Variants in ACADSB observed in about 807,000 individuals in gnomAD.
ACADSB encodes short/branched chain specific acyl-CoA dehydrogenase, mitochondrial.
In ACADSB, 40 loss-of-function variants were observed where a neutral mutation model predicts 54.1. The ratio of observed to expected loss-of-function variants is 0.74; its 90% CI spans 0.57 to 0.96. The LOEUF is 0.96. ACADSB is among the 40% of genes least tolerant of loss of function. The pLI is 0.00. For missense variants in ACADSB, 530 were observed against 510.4 expected (o/e 1.04, Z -0.37); for synonymous variants, 182 against 182.8 (o/e 1.00, Z 0.03).
intron 1 of ACADSB, among the ~76,000 whole-genome samples, chr10:123,031,907 C>T (rs1042796022): frequency 9.2e-5 from 14 of 152,100 alleles, no homozygotes; most frequent in African/African-American, 3.4e-4. Flanking sequence ...ACAGTTGTGT[C>T]CGTGGGAAAA....
chr10:123,053,756 A>C lies in ACADSB; in HGVS notation c.1290A>C (p.Ala430=). Residue 430 remains alanine, a synonymous_variant, in exon 11 of 11, where the codon GCA becomes GCC. Transcript: ENST00000358776. The part of the protein sequence containing the change: ...QLNTIAKHID[A]EY ...ACACCATTGCAAAGCATATCGATGC[A>C]GAATACTGACGTCTATAGGAGTGGG... 3 of 1,613,794 alleles carry C rather than the reference A, an allele frequency of 1.9e-6. No individual in the cohort carries two copies. The highest frequency in any genetic ancestry group is 2.5e-6 in the Non-Finnish European group (3 of 1,179,638).
chr10:123,037,894 A>G, intron 3 of ACADSB, 47 bp downstream of exon 3: 1 of 1,336,758 alleles, frequency 7.5e-7, no homozygotes, highest in African/African-American at 1.4e-5. Context: ...AATTAAATTC[A>G]GGGACTGTAA....
chr10:123,035,179 A>C (rs1370143020), intron 2 of ACADSB, among the ~76,000 whole-genome samples: 13 of 151,960 alleles, frequency 8.6e-5, no homozygotes, highest in African/African-American at 2.9e-4. Context: ...GATGGTCTCG[A>C]TCTCCTGACC....
chr10:123,036,120 T>C (rs2133476124), intron 2 of ACADSB, among the ~76,000 whole-genome samples: 1 of 152,264 alleles, frequency 6.6e-6, no homozygotes, highest in South Asian at 2.1e-4. Flanking sequence ...GGAGTTTTGC[T>C]CTTTTTGCCC....
intron 1 of ACADSB, among the ~76,000 whole-genome samples, chr10:123,030,537 A>AAG (rs1850312082): frequency 6.6e-6 from 1 of 151,652 alleles, no homozygotes; most frequent in East Asian, 1.9e-4. Context: ...AAAAAAAAAA[A>AAG]AAAAAAGAAA....
intron 1 of ACADSB, among the ~76,000 whole-genome samples, chr10:123,014,759 G>C (rs1211935753): frequency 1.3e-5 from 2 of 152,188 alleles, no homozygotes; most frequent in Admixed American, 6.5e-5. Context: ...ATAGGAGATG[G>C]GGCTTCAAGT....
intron 1 of ACADSB, among the ~76,000 whole-genome samples, chr10:123,016,141 T>A (rs1378736814): frequency 6.6e-6 from 1 of 152,252 alleles, no homozygotes; most frequent in African/African-American, 2.4e-5. Context: ...TGAAAGTGTC[T>A]TAGAAGCTGG....
At chr10:123,050,547 C>A (rs1038652447) in intron 8 of ACADSB, among the ~76,000 whole-genome samples, 6 of 152,226 alleles carry the variant, frequency 3.9e-5, no homozygotes, top group African/African-American at 1.4e-4. Flanking sequence ...TGGACCTAAT[C>A]ACCCTCTAAA....
rs1024992529 is a variant in ACADSB, at chr10:123,017,479, G to A, written c.42+8408G>A. 2.6e-5 allele frequency among the ~76,000 whole-genome samples: 4 copies of A among 152,166 alleles called. No homozygotes were observed. The South Asian group carries it at 8.3e-4, about 32-fold the overall frequency. ...ATTATAGGCACCTACCACCATGCCCGGCTAATTTTTGTATTTTTAGTAGAG... is the reference window on the plus strand; with the variant it reads ...ATTATAGGCACCTACCACCATGCCCAGCTAATTTTTGTATTTTTAGTAGAG... On this transcript the variant is annotated intron_variant, in intron 1 of 10. Coordinates refer to ENST00000358776, the MANE Select transcript of ACADSB (RefSeq NM_001609.4).
chr10:123,049,427 TCA>T (rs1850599875), intron 8 of ACADSB, among the ~76,000 whole-genome samples: 2 of 152,216 alleles, frequency 1.3e-5, no homozygotes, highest in Non-Finnish European at 2.9e-5. Flanking sequence ...GAGACATGCC[TCA>T]GTCACTTTCC....
At position 123,041,203 on chromosome 10, in the gene ACADSB, A is replaced by G. The variant is rs773071242; in HGVS notation, c.511-6A>G. The G allele has an allele frequency of 1.7e-5, 27 of 1,613,856 alleles. No individual in the cohort carries two copies. The highest frequency in any genetic ancestry group is 3.3e-4 in the Middle Eastern group (2 of 6,082). Reference sequence around the variant, plus strand: ...TAATTTGGACATTTTTTTCTCCCATATGTAGGTAGGAAGTTTCTGCCTTTC... The same window carrying G: ...TAATTTGGACATTTTTTTCTCCCATGTGTAGGTAGGAAGTTTCTGCCTTTC... On this transcript the variant is annotated splice_polypyrimidine_tract_variant and splice_region_variant and intron_variant, in intron 4 of 10. Coordinates refer to ENST00000358776, the MANE Select transcript of ACADSB (RefSeq NM_001609.4).
At position 123,052,812 on chromosome 10, in the gene ACADSB, C is replaced by G; in HGVS notation, c.1129-249C>G. ...AACATTTCCTGAATAAATGATATCTCTCAGCATGCAGATTCATGTGAACAA... is the reference window on the plus strand; with the variant it reads ...AACATTTCCTGAATAAATGATATCTGTCAGCATGCAGATTCATGTGAACAA... On this transcript the variant is annotated intron_variant, in intron 9 of 10. Coordinates refer to ENST00000358776, the MANE Select transcript of ACADSB (RefSeq NM_001609.4). This position sits in a 1 kb window ranked among gnomAD's most constrained non-coding sequence, Gnocchi z 4.2. 2.0e-6 allele frequency: 1 copy of G among 508,870 alleles called. No homozygotes were observed. Among genetic ancestry groups the G allele is most frequent in the Non-Finnish European group, 3.6e-6 (1 of 278,846 alleles). The allele number at this position is 508,870 out of a possible 1,614,324, so 31.5% of individuals were successfully genotyped here. A position where few individuals can be genotyped will look rare whatever the true frequency, so the allele number is the denominator to read the frequency against.
At chr10:123,009,152 G>T in intron 1 of ACADSB, 81 bp downstream of exon 1, 1 of 1,443,428 alleles carries the variant, frequency 6.9e-7, no homozygotes. Flanking sequence ...GCCTTCTAAC[G>T]GGCCTCGGGG....
chr10:123,037,720 A>T (rs375546868), intron 2 of ACADSB, 27 bp from the exon 3 acceptor site: 14 of 1,483,202 alleles, frequency 9.4e-6, no homozygotes, highest in Non-Finnish European at 1.3e-5. Context: ...TTTAACATAG[A>T]CTTATCAGTA....
rs181921759 is a variant in ACADSB, at chr10:123,012,983, C to G, written c.42+3912C>G. 9.8e-4 allele frequency among the ~76,000 whole-genome samples: 149 copies of G among 152,182 alleles called. 1 individual carries two copies. Among genetic ancestry groups the G allele is most frequent in the African/African-American group, 3.4e-3 (140 of 41,516 alleles). On this transcript the variant is annotated intron_variant, in intron 1 of 10. Coordinates refer to ENST00000358776, the MANE Select transcript of ACADSB (RefSeq NM_001609.4). ...GTTCTCCACCTCCCCACTAGATTAG[C>G]TAGATACAGAGTGCTGATTGGTGTA...
Position 123,057,696 on chromosome 10 carries a change from A to G in ACADSB, c.*3931A>G, listed in dbSNP as rs997701790. On this transcript the variant is annotated 3_prime_UTR_variant, in exon 11 of 11. Coordinates refer to ENST00000358776, the MANE Select transcript of ACADSB (RefSeq NM_001609.4). ...ACACAAAAATAAGCCTGTGTCAAAG[A>G]TTTTAAAATCATGGAAAGTTAAAAT... The G allele has an allele frequency of 3.3e-5, 5 of 152,220 alleles. No homozygotes were observed. Among genetic ancestry groups the G allele is most frequent in the Non-Finnish European group, 5.9e-5 (4 of 68,028 alleles). 9.4% of individuals were successfully genotyped at this position (152,220 alleles called of 1,614,324 possible).
intron 1 of ACADSB, among the ~76,000 whole-genome samples, chr10:123,019,487 G>A (rs1850152125): frequency 6.6e-6 from 1 of 152,234 alleles, no homozygotes; most frequent in African/African-American, 2.4e-5. Flanking sequence ...GATAGGCCTT[G>A]CAGAAGCATT....
At chr10:123,047,047 G>A (rs944576591) in intron 7 of ACADSB, among the ~76,000 whole-genome samples, 162 bp from the exon 8 acceptor site, 4 of 152,242 alleles carry the variant, frequency 2.6e-5, no homozygotes, top group South Asian at 2.1e-4. Flanking sequence ...CTACAAATGC[G>A]GTGGGTGAGG....
intron 7 of ACADSB, among the ~76,000 whole-genome samples, chr10:123,045,123 T>G (rs1850534332): frequency 7.4e-6 from 1 of 134,406 alleles, no homozygotes; most frequent in Non-Finnish European, 1.6e-5. Context: ...GTGTCAGTTT[T>G]GTAGAGTGTA....
Sources: allele counts gnomAD v4.1 joint callset (sites outside exome capture counted in the v4.1 genomes callset), GRCh38; gene constraint gnomAD v4.1.1; non-coding constraint Gnocchi (gnomAD v3.1); transcripts MANE v1.5; gene names NCBI Gene and HGNC (gene_info 2026-07-23, HGNC 2026-07-21).